COPS4: variants seen among roughly 807,000 people sequenced by gnomAD.
COPS4 encodes the protein COP9 signalosome complex subunit 4.
COPS4 carries 8 observed loss-of-function variants against 55.1 expected under a neutral mutation model. The observed-to-expected ratio is 0.15, with a 90% CI of 0.09 to 0.26. The LOEUF (loss-of-function observed/expected upper bound fraction) is 0.26. Among genes scored for constraint, COPS4 ranks in the 10% least tolerant of loss-of-function variants. The pLI, the probability that COPS4 is intolerant of heterozygous loss-of-function variation, is 1.00. For missense variants in COPS4, 248 were observed against 484.0 expected (o/e 0.51, Z 4.58); for synonymous variants, 185 against 165.7 (o/e 1.12, Z -0.90).
intron 9 of COPS4, among the ~76,000 whole-genome samples, chr4:83,070,218 T>TA (rs1298775589): frequency 6.6e-6 from 1 of 152,204 alleles, no homozygotes; most frequent in Non-Finnish European, 1.5e-5. Flanking sequence ...ACTAGTTACT[T>TA]AGGGCTTAAT....
intron 9 of COPS4, chr4:83,073,182 C>A: frequency 1.6e-6 from 1 of 633,888 alleles, no homozygotes. Context: ...TAAGCAGTTA[C>A]TCTCCATTCC....
chr4:83,073,219 C>CCAAT (rs1162551807), intron 9 of COPS4: 2 of 677,942 alleles, frequency 3.0e-6, no homozygotes, highest in Non-Finnish European at 5.4e-6. Flanking sequence ...CTGGCAACCA[C>CCAAT]CAATCCATCT....
At chr4:83,043,518 CAAAAAAAAAAAAA>C (rs34480105) in intron 1 of COPS4, among the ~76,000 whole-genome samples, 6 of 17,684 alleles carry the variant, frequency 3.4e-4, no homozygotes, top group African/African-American at 9.6e-4. Context: ...GACCCTGTCT[CAAAAAAAAAAAAA>C]AAAAAAAAAA....
At chr4:83,049,834 T>TA in intron 3 of COPS4, 47 bp from the exon 4 acceptor site, 1 of 1,056,686 alleles carries the variant, frequency 9.5e-7, no homozygotes, top group Non-Finnish European at 1.4e-6. Flanking sequence ...TTTAATTAGT[T>TA]ACTAATGTCA....
chr4:83,066,653 T>G, intron 8 of COPS4, 100 bp downstream of exon 8: 1 of 618,588 alleles, frequency 1.6e-6, no homozygotes, highest in South Asian at 2.1e-5. Context: ...ATTTATTATC[T>G]TCCAACAAAA....
chr4:83,041,974 C>T (rs1364946064), intron 1 of COPS4, among the ~76,000 whole-genome samples: 14 of 151,636 alleles, frequency 9.2e-5, no homozygotes, highest in Non-Finnish European at 1.6e-4. Flanking sequence ...AAGTGATTCT[C>T]GTGCCTCAGC....
intron 4 of COPS4, among the ~76,000 whole-genome samples, chr4:83,053,851 A>AAAAAAAAAAG (rs1333381469): frequency 1.3e-5 from 2 of 151,114 alleles, no homozygotes; most frequent in Non-Finnish European, 3.0e-5. Flanking sequence ...AAAAAAAAAA[A>AAAAAAAAAAG]AGATGGTTTA....
intron 1 of COPS4, among the ~76,000 whole-genome samples, chr4:83,043,384 T>C (rs1194736506): frequency 6.6e-6 from 1 of 151,786 alleles, no homozygotes; most frequent in Non-Finnish European, 1.5e-5. Context: ...CCAGGGGTCG[T>C]GGCACATGCC....
At chr4:83,062,951 A>T (rs1404252723) in intron 6 of COPS4, 125 bp from the exon 7 acceptor site, 8 of 765,188 alleles carry the variant, frequency 1.0e-5, no homozygotes, top group Non-Finnish European at 1.6e-5. Context: ...CATAATTACC[A>T]TGAATAATGA....
intron 9 of COPS4, among the ~76,000 whole-genome samples, chr4:83,070,949 T>C (rs1731413626): frequency 6.6e-6 from 1 of 152,216 alleles, no homozygotes; most frequent in East Asian, 1.9e-4. Flanking sequence ...TTTTCAGCAT[T>C]GCAAATTCTT....
Position 83,068,427 on chromosome 4 carries a change from TCC to T in COPS4, c.1003-7_1003-6del. Reference sequence around the variant, plus strand: ...GATAAAGTTTCTGAGAGTTTTTTTTTCCCCCAATAGGCGGAAAAGATAGCATC... The same window carrying T: ...GATAAAGTTTCTGAGAGTTTTTTTTTCCCAATAGGCGGAAAAGATAGCATC... On this transcript the variant is annotated splice_polypyrimidine_tract_variant and intron_variant, in intron 8 of 9. Transcript: ENST00000264389. 1.9e-6 allele frequency: 3 copies of T among 1,584,148 alleles called. No homozygotes were observed. Among genetic ancestry groups the T allele is most frequent in the Non-Finnish European group, 2.6e-6 (3 of 1,156,798 alleles).
chr4:83,053,857 G>T (rs1005026225), intron 4 of COPS4, among the ~76,000 whole-genome samples: 5 of 49,796 alleles, frequency 1.0e-4, no homozygotes, highest in Non-Finnish European at 1.8e-4. Flanking sequence ...AAAAAAGATG[G>T]TTTATAACTC....
At chr4:83,072,079 T>TCTTTTC (rs1303256038) in intron 9 of COPS4, among the ~76,000 whole-genome samples, 12 of 152,070 alleles carry the variant, frequency 7.9e-5, no homozygotes, top group African/African-American at 2.9e-4. Flanking sequence ...TGTCAGGTTT[T>TCTTTTC]CTTTTTCTTT....
intron 7 of COPS4, 142 bp downstream of exon 7, chr4:83,063,388 A>C: frequency 1.8e-6 from 1 of 567,186 alleles, no homozygotes; most frequent in Non-Finnish European, 2.6e-6. Flanking sequence ...TTTATTTAAA[A>C]TTTTTTTTTT....
rs1178427338 is a variant in COPS4, at chr4:83,056,870, C to T, written c.411-56C>T. On this transcript the variant is annotated intron_variant, in intron 4 of 9. Coordinates refer to ENST00000264389, the MANE Select transcript of COPS4 (RefSeq NM_016129.3). Reference sequence around the variant, plus strand: ...AAAAACAACATATCTTCTATTATTCCTAAAATTTTCTTGACAAAATGTTGA... The same window carrying T: ...AAAAACAACATATCTTCTATTATTCTTAAAATTTTCTTGACAAAATGTTGA... 3 of 1,404,306 alleles carry T rather than the reference C, an allele frequency of 2.1e-6. No individual in the cohort carries two copies. In the South Asian group the frequency reaches 3.9e-5, roughly 18 times the overall value. 87.0% of individuals were successfully genotyped at this position (1,404,306 alleles called of 1,614,324 possible).
intron 6 of COPS4, 143 bp from the exon 7 acceptor site, chr4:83,062,933 C>T: frequency 1.5e-6 from 1 of 655,788 alleles, no homozygotes. Context: ...TCGGCAGTGA[C>T]TGCAGACCAT....
chr4:83,055,369 T>G (rs1730988143), intron 4 of COPS4, among the ~76,000 whole-genome samples: 1 of 152,200 alleles, frequency 6.6e-6, no homozygotes, highest in African/African-American at 2.4e-5. Context: ...TTTAATAGTG[T>G]TTTACATACT....
Position 83,036,682 on chromosome 4 carries a change from A to T in COPS4, c.74+1384A>T, listed in dbSNP as rs562371978. Among the ~76,000 whole-genome samples the T allele has an allele frequency of 7.5e-4, 114 of 152,216 alleles. 1 individual carries two copies. The highest frequency in any genetic ancestry group is 1.4e-3 in the Non-Finnish European group (97 of 68,036). On this transcript the variant is annotated intron_variant, in intron 1 of 9. Coordinates refer to ENST00000264389, the MANE Select transcript of COPS4 (RefSeq NM_016129.3). ...GGTAAGATTGTTGTTGTTACTATTA[A>T]GCTGTCAGTAAATATATATTCACTT... is the stretch of plus-strand genomic sequence containing the variant.
chr4:83,048,419 C>A (rs905396775), intron 2 of COPS4, among the ~76,000 whole-genome samples: 1 of 152,024 alleles, frequency 6.6e-6, no homozygotes, highest in African/African-American at 2.4e-5. Context: ...GCAGCACTTG[C>A]TTTATTTAAA....
Sources: gnomAD v4.1 joint callset for allele counts (sites outside exome capture counted in the v4.1 genomes callset) on GRCh38, gnomAD v4.1.1 for gene constraint, MANE v1.5 for transcripts, NCBI Gene and HGNC (gene_info 2026-07-23, HGNC 2026-07-21) for gene names.